The following PDE3B variants were observed in gnomAD, a reference collection of about 807,000 sequenced individuals.
PDE3B encodes the protein cGMP-inhibited 3',5'-cyclic phosphodiesterase 3B.
Under a neutral mutation model 116.8 loss-of-function variants are expected in PDE3B, and 66 were observed. That is an observed-to-expected ratio of 0.56 (90% CI 0.46 to 0.69). PDE3B has a LOEUF of 0.69. PDE3B is among the 30% of genes least tolerant of loss of function. The pLI, the probability that PDE3B is intolerant of heterozygous loss-of-function variation, is 0.00. For synonymous variants in PDE3B, 595 were observed against 533.6 expected (o/e 1.12, Z -1.59); for missense variants, 1,384 against 1,368.1 (o/e 1.01, Z -0.18).
the PDE3B span, among the ~76,000 whole-genome samples, chr11:14,893,911 A>C: frequency 2.0e-5 from 3 of 152,324 alleles, no homozygotes; most frequent in East Asian, 5.8e-4. Flanking sequence ...TAGAAGAGAA[A>C]TTTGAGGCAG....
intron 1 of PDE3B, among the ~76,000 whole-genome samples, chr11:14,680,958 C>T (rs1854686730): frequency 6.6e-6 from 1 of 152,130 alleles, no homozygotes; most frequent in South Asian, 2.1e-4. Flanking sequence ...TCCTCCTCAA[C>T]TTATGATGAT....
chr11:14,655,645 G>A (rs1853697702), intron 1 of PDE3B, among the ~76,000 whole-genome samples: 1 of 152,144 alleles, frequency 6.6e-6, no homozygotes, highest in Non-Finnish European at 1.5e-5. Flanking sequence ...TTCCAGTCGA[G>A]CACCTCATTG....
the PDE3B span, chr11:14,880,433 T>A: frequency 3.7e-6 from 6 of 1,613,290 alleles, no homozygotes; most frequent in Non-Finnish European, 5.1e-6. Flanking sequence ...AGGATGCCAA[T>A]CCATGGAAAG....
intron 1 of PDE3B, among the ~76,000 whole-genome samples, chr11:14,736,666 G>A (rs1413322182): frequency 6.6e-6 from 1 of 152,168 alleles, no homozygotes; most frequent in African/African-American, 2.4e-5. Context: ...AAGGAGATTA[G>A]CAAACAGACT....
At chr11:14,806,153 A>G (rs1310303760) in intron 5 of PDE3B, among the ~76,000 whole-genome samples, 3 of 152,140 alleles carry the variant, frequency 2.0e-5, no homozygotes, top group Non-Finnish European at 4.4e-5. Context: ...TATATACCCA[A>G]AGGATTGTAA....
intron 3 of PDE3B, among the ~76,000 whole-genome samples, chr11:14,788,644 T>C (rs1858286886): frequency 6.6e-6 from 1 of 151,984 alleles, no homozygotes; most frequent in African/African-American, 2.4e-5. Flanking sequence ...TTTAACTCAG[T>C]CATTTATTCA....
downstream of PDE3B, among the ~76,000 whole-genome samples, chr11:14,875,946 G>A (rs1162094058): frequency 6.6e-6 from 1 of 152,184 alleles, no homozygotes; most frequent in East Asian, 1.9e-4. Context: ...GCAAGGCAAT[G>A]AAAATAGCAT....
chr11:14,816,025 G>A (rs1859319637), intron 5 of PDE3B, among the ~76,000 whole-genome samples: 1 of 151,810 alleles, frequency 6.6e-6, no homozygotes, highest in South Asian at 2.1e-4. Context: ...CAACTGTGTG[G>A]GCTTGCAAGG....
At chr11:14,878,882 A>C in the PDE3B span, among the ~76,000 whole-genome samples, 2 of 152,076 alleles carry the variant, frequency 1.3e-5, no homozygotes, top group South Asian at 2.1e-4. Context: ...GATTTAGAAG[A>C]AGCCAGGGGT....
intron 1 of PDE3B, among the ~76,000 whole-genome samples, chr11:14,739,416 G>T (rs1856698828): frequency 6.6e-6 from 1 of 152,080 alleles, no homozygotes; most frequent in Non-Finnish European, 1.5e-5. Flanking sequence ...CCTCTTATTG[G>T]TATATAGGAA....
intron 13 of PDE3B, among the ~76,000 whole-genome samples, chr11:14,860,465 T>C (rs1847928631): frequency 6.6e-6 from 1 of 152,180 alleles, no homozygotes; most frequent in Non-Finnish European, 1.5e-5. Flanking sequence ...TTTCATTTTT[T>C]ACAAAATGAA....
the PDE3B span, among the ~76,000 whole-genome samples, chr11:14,881,264 G>T: frequency 1.3e-5 from 2 of 152,112 alleles, no homozygotes; most frequent in South Asian, 4.1e-4. Context: ...CTATGACAGG[G>T]GTAAGGGTAC....
chr11:14,837,279 G>A (rs558648386), intron 11 of PDE3B, among the ~76,000 whole-genome samples: 3 of 152,162 alleles, frequency 2.0e-5, no homozygotes, highest in South Asian at 2.1e-4. Flanking sequence ...AGTCTCTCTT[G>A]TAGTCTGGAT....
intron 4 of PDE3B, among the ~76,000 whole-genome samples, chr11:14,799,419 G>A (rs556124477): frequency 6.6e-6 from 1 of 152,326 alleles, no homozygotes; most frequent in African/African-American, 2.4e-5. Flanking sequence ...TTGATTTGGG[G>A]TGGAGAGTTC....
chr11:14,673,666 A>G (rs1265539004), intron 1 of PDE3B: 1 of 709,862 alleles, frequency 1.4e-6, no homozygotes, highest in East Asian at 2.8e-5. Flanking sequence ...TTTGCCAGGT[A>G]CTTCAGGAAA....
intron 1 of PDE3B, among the ~76,000 whole-genome samples, chr11:14,716,159 G>A (rs540205528): frequency 5.9e-5 from 9 of 151,872 alleles, no homozygotes; most frequent in East Asian, 1.9e-4. Context: ...AAGGGGTGAC[G>A]GACGCACCTG....
intron 1 of PDE3B, among the ~76,000 whole-genome samples, chr11:14,718,051 G>A (rs1443084953): frequency 1.3e-5 from 2 of 150,594 alleles, no homozygotes; most frequent in Non-Finnish European, 1.5e-5. Context: ...ACACACATAG[G>A]CTGAAAATAA....
chr11:14,817,578 T>A (rs528963664), intron 5 of PDE3B, among the ~76,000 whole-genome samples: 3 of 152,100 alleles, frequency 2.0e-5, no homozygotes, highest in Non-Finnish European at 4.4e-5. Context: ...CTTGAAACCC[T>A]GTCTCTACAG....
At chr11:14,674,732 T>G (rs1178156206) in intron 1 of PDE3B, among the ~76,000 whole-genome samples, 2 of 152,184 alleles carry the variant, frequency 1.3e-5, no homozygotes, top group Admixed American at 1.3e-4. Context: ...ATATTGAACT[T>G]CTATGTAGCA....
Sources: gnomAD v4.1 joint callset for allele counts (sites outside exome capture counted in the v4.1 genomes callset) on GRCh38, gnomAD v4.1.1 for gene constraint, MANE v1.5 for transcripts, NCBI Gene and HGNC (gene_info 2026-07-23, HGNC 2026-07-21) for gene names.